The following HMG20A variants were observed in gnomAD, a reference collection of about 807,000 sequenced individuals.
HMG20A encodes the protein high mobility group protein 20A.
In HMG20A, 17 loss-of-function variants were observed where a neutral mutation model predicts 43.9. The ratio of observed to expected loss-of-function variants is 0.39; its 90% CI spans 0.27 to 0.58. The LOEUF is 0.58. Among genes scored for constraint, HMG20A ranks in the 20% least tolerant of loss-of-function variants. HMG20A has a pLI of 0.59. For synonymous variants in HMG20A, 132 were observed against 147.5 expected (o/e 0.89, Z 0.76); for missense variants, 341 against 438.2 (o/e 0.78, Z 1.98).
rs1043138896 is a variant in HMG20A at position 77,485,300 on chromosome 15, C to T, written c.*2337C>T. The T allele has an allele frequency of 2.0e-5, 3 of 152,574 alleles. No individual in the cohort carries two copies. The highest frequency in any genetic ancestry group is 7.2e-5 in the African/African-American group (3 of 41,406). The allele number at this position is 152,574 out of a possible 1,614,324, so 9.5% of individuals were successfully genotyped here. On this transcript the variant is annotated 3_prime_UTR_variant, in exon 10 of 10. Transcript: ENST00000336216. ...TAGCACAATACCTAACTCATGTTTC[C>T]CAGTACACCTGTAGATATTACTGTA...
At chr15:77,440,940 G>A (rs933936588) in intron 1 of HMG20A, among the ~76,000 whole-genome samples, 3 of 152,076 alleles carry the variant, frequency 2.0e-5, no homozygotes, top group Non-Finnish European at 4.4e-5. Flanking sequence ...ACTTGATACG[G>A]CAGATGTGTG....
intron 1 of HMG20A, among the ~76,000 whole-genome samples, chr15:77,432,991 A>G (rs945444839): frequency 1.3e-5 from 2 of 152,182 alleles, no homozygotes; most frequent in Non-Finnish European, 2.9e-5. Context: ...TAAATGCTTT[A>G]TTAAAATTGG....
At chr15:77,431,600 G>A (rs912994967) in intron 1 of HMG20A, among the ~76,000 whole-genome samples, 1 of 152,076 alleles carries the variant, frequency 6.6e-6, no homozygotes, top group African/African-American at 2.4e-5. Flanking sequence ...TTGTGGAATA[G>A]CTAAATTGCG....
At chr15:77,462,686 T>C (rs2072715486) in intron 2 of HMG20A, among the ~76,000 whole-genome samples, 2 of 152,182 alleles carry the variant, frequency 1.3e-5, no homozygotes, top group African/African-American at 4.8e-5. Context: ...GAATTATCTT[T>C]GACTCTTCCT....
At chr15:77,469,788 T>G (rs1361310948) in intron 4 of HMG20A, among the ~76,000 whole-genome samples, 1 of 152,108 alleles carries the variant, frequency 6.6e-6, no homozygotes, top group Non-Finnish European at 1.5e-5. Context: ...TAGCCTCAGC[T>G]TCCCAAGTAG....
intron 1 of HMG20A, among the ~76,000 whole-genome samples, chr15:77,450,477 G>A (rs2073724647): frequency 6.6e-6 from 1 of 152,198 alleles, no homozygotes; most frequent in Non-Finnish European, 1.5e-5. Flanking sequence ...ATTGAACCAT[G>A]AGAAAGCAAA....
chr15:77,452,236 T>G (rs751657426), intron 1 of HMG20A, among the ~76,000 whole-genome samples: 2 of 152,196 alleles, frequency 1.3e-5, no homozygotes, highest in Non-Finnish European at 2.9e-5. Flanking sequence ...AAATGCATAT[T>G]TAACAAATGC....
chr15:77,493,865 C>T, the HMG20A span, among the ~76,000 whole-genome samples: 1 of 152,216 alleles, frequency 6.6e-6, no homozygotes, highest in Non-Finnish European at 1.5e-5. Flanking sequence ...GGAAATCAGA[C>T]AGCCTTGTGG....
At chr15:77,510,909 C>T in the HMG20A span, among the ~76,000 whole-genome samples, 1 of 152,248 alleles carries the variant, frequency 6.6e-6, no homozygotes, top group Non-Finnish European at 1.5e-5. Flanking sequence ...AAGATCCAGC[C>T]CTGTACTTGC....
intron 1 of HMG20A, among the ~76,000 whole-genome samples, chr15:77,444,449 C>A (rs2073650935): frequency 1.3e-5 from 2 of 152,040 alleles, no homozygotes; most frequent in Non-Finnish European, 2.9e-5. Flanking sequence ...GCTCTAAACA[C>A]CAAGAATCTT....
rs2072922754 is a variant in HMG20A at position 77,483,607 on chromosome 15, C to A, written c.*644C>A. ...TGGAGCAAGGCTGTGTTTCCTACCC[C>A]ACACGGTGCTCAGTGGGTGCCAGCC... is the stretch of plus-strand genomic sequence containing the variant. On this transcript the variant is annotated 3_prime_UTR_variant, in exon 10 of 10. Transcript: ENST00000336216. 1 of 152,770 alleles carries A rather than the reference C, an allele frequency of 6.5e-6. No homozygotes were observed. Among genetic ancestry groups the A allele is most frequent in the African/African-American group, 2.4e-5 (1 of 41,462 alleles). The allele number at this position is 152,770 out of a possible 1,614,324, so 9.5% of individuals were successfully genotyped here.
intron 2 of HMG20A, among the ~76,000 whole-genome samples, chr15:77,461,833 G>T (rs953652446): frequency 7.9e-5 from 12 of 152,124 alleles, no homozygotes; most frequent in African/African-American, 7.2e-5. Flanking sequence ...CAGTTGAAAT[G>T]AAAATGACAG....
intron 1 of HMG20A, among the ~76,000 whole-genome samples, chr15:77,455,756 A>G (rs1179483588): frequency 6.6e-6 from 1 of 152,194 alleles, no homozygotes; most frequent in Non-Finnish European, 1.5e-5. Flanking sequence ...GTACTGGGAC[A>G]TCATCAGGCA....
the HMG20A span, among the ~76,000 whole-genome samples, chr15:77,501,107 T>C: frequency 2.2e-3 from 342 of 152,316 alleles, 1 homozygote; most frequent in African/African-American, 7.9e-3. Context: ...CAGTCCTGTC[T>C]CTTCTCATCT....
intron 1 of HMG20A, among the ~76,000 whole-genome samples, chr15:77,421,692 C>T (rs2073349683): frequency 6.6e-6 from 1 of 152,180 alleles, no homozygotes. Flanking sequence ...AAGTATCACA[C>T]TGAAGTACTC....
At chr15:77,456,166 G>T (rs956545276) in intron 1 of HMG20A, among the ~76,000 whole-genome samples, 2 of 152,100 alleles carry the variant, frequency 1.3e-5, no homozygotes, top group Non-Finnish European at 1.5e-5. Flanking sequence ...TGTTGTTAAG[G>T]TTATGTTATC....
downstream of HMG20A, among the ~76,000 whole-genome samples, chr15:77,490,577 C>T (rs1408748229): frequency 6.6e-6 from 1 of 152,144 alleles, no homozygotes; most frequent in East Asian, 1.9e-4. Context: ...AATCCCAGTA[C>T]TTTGGGAGGC....
the HMG20A span, among the ~76,000 whole-genome samples, chr15:77,518,320 C>T: frequency 1.3e-5 from 2 of 152,212 alleles, no homozygotes; most frequent in African/African-American, 4.8e-5. Context: ...GCACCAACCC[C>T]TCTCATAAAC....
chr15:77,489,937 A>G (rs2072963932), downstream of HMG20A, among the ~76,000 whole-genome samples: 1 of 151,582 alleles, frequency 6.6e-6, no homozygotes, highest in Non-Finnish European at 1.5e-5. Flanking sequence ...TAATGTGAAG[A>G]GAGTTCTACA....
Sources: allele counts gnomAD v4.1 joint callset (sites outside exome capture counted in the v4.1 genomes callset), GRCh38; gene constraint gnomAD v4.1.1; transcripts MANE v1.5; gene names NCBI Gene and HGNC (gene_info 2026-07-23, HGNC 2026-07-21).